The following KIN variants were observed in gnomAD, a reference collection of about 807,000 sequenced individuals.
KIN encodes the protein Kin17 DNA and RNA binding protein.
Under a neutral mutation model 63.0 loss-of-function variants are expected in KIN, and 47 were observed. That is an observed-to-expected ratio of 0.75 (90% CI 0.59 to 0.95). The LOEUF (loss-of-function observed/expected upper bound fraction) is 0.95, where lower values mean the gene tolerates loss of function less well. Among genes scored for constraint, KIN ranks in the 40% least tolerant of loss-of-function variants. The probability of loss-of-function intolerance (pLI) is 0.00; values close to 1 mark genes in which losing one functional copy is unlikely to be tolerated. For missense variants in KIN, 408 were observed against 460.9 expected, an observed-to-expected ratio of 0.89 and a Z score of 1.05; for synonymous variants, 160 against 157.7, an observed-to-expected ratio of 1.01 and a Z score of -0.11.
intron 10 of KIN, among the ~76,000 whole-genome samples, 181 bp downstream of exon 10, chr10:7,763,542 T>C (rs1835479633): frequency 6.6e-6 from 1 of 152,218 alleles, no homozygotes; most frequent in Admixed American, 6.5e-5. Flanking sequence ...GTAGAAACTA[T>C]GGATGAAAAA....
At chr10:7,778,310 C>T (rs1835821407) in intron 5 of KIN, among the ~76,000 whole-genome samples, 1 of 152,130 alleles carries the variant, frequency 6.6e-6, no homozygotes, top group Non-Finnish European at 1.5e-5. Context: ...AAATATTATG[C>T]AATTATACAA....
intron 1 of KIN, among the ~76,000 whole-genome samples, chr10:7,786,084 T>C (rs1835997979): frequency 6.6e-6 from 1 of 152,172 alleles, no homozygotes; most frequent in South Asian, 2.1e-4. Flanking sequence ...TGTAGTTTCA[T>C]CCATGGTAAC....
chr10:7,766,336 C>T, intron 8 of KIN: 3 of 417,868 alleles, frequency 7.2e-6, no homozygotes, highest in Non-Finnish European at 1.3e-5. Flanking sequence ...GTCAACTGAC[C>T]TAGGAAGCAA....
intron 10 of KIN, 34 bp downstream of exon 10, chr10:7,763,689 T>C: frequency 8.0e-7 from 1 of 1,243,530 alleles, no homozygotes; most frequent in Non-Finnish European, 1.2e-6. Flanking sequence ...CCAAGCTTTT[T>C]TCACAAATTC....
chr10:7,772,186 T>TA (rs771516679), intron 7 of KIN, among the ~76,000 whole-genome samples: 1 of 152,168 alleles, frequency 6.6e-6, no homozygotes, highest in Non-Finnish European at 1.5e-5. Context: ...GAGGTCATCT[T>TA]AGAGATGCTG....
At chr10:7,784,542 C>T (rs549340547) in intron 1 of KIN, among the ~76,000 whole-genome samples, 6 of 151,860 alleles carry the variant, frequency 4.0e-5, no homozygotes, top group African/African-American at 7.3e-5. Context: ...GAGCTATGAT[C>T]GAGCCACTGT....
chr10:7,785,220 CG>C (rs1835975642), intron 1 of KIN, among the ~76,000 whole-genome samples: 1 of 147,308 alleles, frequency 6.8e-6, no homozygotes, highest in Admixed American at 6.8e-5. Context: ...CCACTGTACA[CG>C]AGCCTGGGCT....
rs771414913 is a variant in KIN, at chr10:7,754,055, C to T, written c.*2025G>A. The T allele has an allele frequency of 1.8e-5, 8 of 455,866 alleles. No homozygotes were observed. Among genetic ancestry groups the T allele is most frequent in the Non-Finnish European group, 3.1e-5 (7 of 226,788 alleles). 28.2% of individuals were successfully genotyped at this position (455,866 alleles called of 1,614,324 possible). On this transcript the variant is annotated 3_prime_UTR_variant, in exon 13 of 13. Coordinates refer to ENST00000379562, the MANE Select transcript of KIN (RefSeq NM_012311.4). The stretch of plus-strand genomic sequence containing the variant: ...TTGTAGAAGATCAACTCAGGCAAGG[C>T]GTGGTAGCTCACACCTGTAATCACA...
At chr10:7,784,850 C>G (rs1468311031) in intron 1 of KIN, among the ~76,000 whole-genome samples, 6 of 152,088 alleles carry the variant, frequency 3.9e-5, no homozygotes, top group African/African-American at 1.2e-4. Context: ...GAAAATAATA[C>G]TTTCTAATAT....
chr10:7,761,358 C>T (rs1343538900), intron 11 of KIN: 1 of 152,022 alleles, frequency 6.6e-6, no homozygotes, highest in Non-Finnish European at 1.5e-5. Flanking sequence ...GCAATGACAC[C>T]CCCAGGAAGA....
chr10:7,781,329 G>A (rs1835890062), intron 2 of KIN, among the ~76,000 whole-genome samples: 1 of 152,096 alleles, frequency 6.6e-6, no homozygotes, highest in Non-Finnish European at 1.5e-5. Context: ...GAGAGTGAGA[G>A]TGAGGGTAGA....
In KIN at chr10:7,752,853, A is replaced by G. The variant is rs188909187; in HGVS notation, c.*3227T>C. ...AGCTACACCCTGTGTGACTCCAACTATATGACCTTCGATGGAGACAAAACT... is the reference window on the plus strand; with the variant it reads ...AGCTACACCCTGTGTGACTCCAACTGTATGACCTTCGATGGAGACAAAACT... On this transcript the variant is annotated 3_prime_UTR_variant, in exon 13 of 13. Transcript: ENST00000379562. 31 of 152,334 alleles carry G rather than the reference A, an allele frequency of 2.0e-4. No homozygotes were observed. The highest frequency in any genetic ancestry group is 7.2e-4 in the African/African-American group (30 of 41,576). The allele number at this position is 152,334 out of a possible 1,614,324, so 9.4% of individuals were successfully genotyped here. A position where few individuals can be genotyped will look rare whatever the true frequency, so the allele number is the denominator to read the frequency against.
rs532598485 is a variant in KIN at position 7,769,475 on chromosome 10, A to G, written c.669-130T>C. Reference sequence around the variant, plus strand: ...TACAGGAGATTAGTGAAAACCATGGAGTCCCTGTCCACATCTCTTACAGAA... The same window carrying G: ...TACAGGAGATTAGTGAAAACCATGGGGTCCCTGTCCACATCTCTTACAGAA... On this transcript the variant is annotated intron_variant, in intron 7 of 12. Coordinates refer to ENST00000379562, the MANE Select transcript of KIN (RefSeq NM_012311.4). 22 of 891,322 alleles carry G rather than the reference A, an allele frequency of 2.5e-5. No individual in the cohort carries two copies. The African/African-American group carries it at 3.5e-4, about 14-fold the overall frequency. The allele number at this position is 891,322 out of a possible 1,614,324, so 55.2% of individuals were successfully genotyped here. A position where few individuals can be genotyped will look rare whatever the true frequency, so the allele number is the denominator to read the frequency against.
intron 12 of KIN, among the ~76,000 whole-genome samples, chr10:7,758,205 G>A (rs1265726035): frequency 6.6e-6 from 1 of 151,918 alleles, no homozygotes; most frequent in Non-Finnish European, 1.5e-5. Context: ...CCCGAGCTGG[G>A]ACTTCAGGCA....
chr10:7,776,548 T>C (rs1789020686), intron 5 of KIN, among the ~76,000 whole-genome samples: 1 of 150,306 alleles, frequency 6.7e-6, no homozygotes, highest in Non-Finnish European at 1.5e-5. Context: ...CTGGCCAACT[T>C]GGTGAAACCC....
intron 2 of KIN, among the ~76,000 whole-genome samples, chr10:7,782,371 T>C (rs1020489927): frequency 1.3e-5 from 2 of 151,808 alleles, no homozygotes; most frequent in Non-Finnish European, 2.9e-5. Context: ...GGATCAGCAA[T>C]ACTTAGAAGA....
intron 12 of KIN, among the ~76,000 whole-genome samples, chr10:7,757,824 A>T (rs1303148377): frequency 6.6e-6 from 1 of 152,170 alleles, no homozygotes; most frequent in Non-Finnish European, 1.5e-5. Context: ...GGAGCCAGAC[A>T]TTTGGGCTTA....
intron 1 of KIN, among the ~76,000 whole-genome samples, chr10:7,784,356 G>C (rs555923474): frequency 6.6e-6 from 1 of 152,316 alleles, no homozygotes; most frequent in African/African-American, 2.4e-5. Flanking sequence ...GCCAAGGCAG[G>C]AGGATTGTGT....
At position 7,751,992 on chromosome 10, in the gene KIN, G is replaced by A. The variant is rs1295326195; in HGVS notation, c.*4088C>T. On this transcript the variant is annotated 3_prime_UTR_variant, in exon 13 of 13. Coordinates refer to ENST00000379562, the MANE Select transcript of KIN (RefSeq NM_012311.4). ...GGAGCTTGCAGTGAGCCGAGATTGC[G>A]CCACTGCAGTCCGCAGTCCGGCCTG... The A allele has an allele frequency of 2.9e-3, 6 of 2,076 alleles. 3 individuals are homozygous for A. Among genetic ancestry groups the A allele is most frequent in the African/African-American group, 9.6e-3 (4 of 416 alleles). The allele number at this position is 2,076 out of a possible 1,614,324, so 0.1% of individuals were successfully genotyped here.
Sources: allele counts gnomAD v4.1 joint callset (sites outside exome capture counted in the v4.1 genomes callset), GRCh38; gene constraint gnomAD v4.1.1; transcripts MANE v1.5; gene names NCBI Gene and HGNC (gene_info 2026-07-23, HGNC 2026-07-21).